Variants in NECTIN1 observed in about 807,000 individuals in gnomAD.
NECTIN1 encodes nectin cell adhesion molecule 1.
A neutral mutation model predicts 48.0 loss-of-function variants in NECTIN1; 23 were observed. The ratio of observed to expected loss-of-function variants is 0.48; its 90% CI spans 0.34 to 0.68. NECTIN1 has a LOEUF of 0.68. Ranked by LOEUF, NECTIN1 falls within the 30% of genes least tolerant of loss-of-function variation. NECTIN1 has a pLI of 0.01. For missense variants in NECTIN1, 591 were observed against 709.9 expected (o/e 0.83, Z 1.90); for synonymous variants, 270 against 288.9 (o/e 0.93, Z 0.66).
Position 119,728,775 on chromosome 11 carries a change from C to A in NECTIN1, c.-222G>T. The stretch of plus-strand genomic sequence containing the variant: ...GCTCAGAGGCTCGGCAGATGCCCGC[C>A]GCAAGTTGCACGAGTCATGCCCCTT... On this transcript the variant is annotated 5_prime_UTR_variant, in exon 1 of 6. Coordinates refer to ENST00000264025, the MANE Select transcript of NECTIN1 (RefSeq NM_002855.5). 2.3e-6 allele frequency: 1 copy of A among 442,270 alleles called. No homozygotes were observed. Among genetic ancestry groups the A allele is most frequent in the Non-Finnish European group, 4.0e-6 (1 of 251,136 alleles). The allele number at this position is 442,270 out of a possible 1,614,324, so 27.4% of individuals were successfully genotyped here. A position where few individuals can be genotyped will look rare whatever the true frequency, so the allele number is the denominator to read the frequency against.
At position 119,729,172 on chromosome 11, in the gene NECTIN1, G is replaced by A; in HGVS notation, c.-619C>T. The A allele has an allele frequency of 6.6e-6, 1 of 152,088 alleles. No individual in the cohort carries two copies. Among genetic ancestry groups the A allele is most frequent in the Non-Finnish European group, 1.5e-5 (1 of 68,036 alleles). The allele number at this position is 152,088 out of a possible 1,614,324, so 9.4% of individuals were successfully genotyped here. ...GGTGCCGGCGATCCGCAACAATGTG[G>A]AGCCGCGCTCGCTGCTCTCGCTCTC... On this transcript the variant is annotated 5_prime_UTR_variant, in exon 1 of 6. Coordinates refer to ENST00000264025, the MANE Select transcript of NECTIN1 (RefSeq NM_002855.5).
chr11:119,651,838 C>T (rs949724685), intron 5 of NECTIN1, among the ~76,000 whole-genome samples: 1 of 152,164 alleles, frequency 6.6e-6, no homozygotes, highest in African/African-American at 2.4e-5. Flanking sequence ...CCTGGCCCTG[C>T]TGCTTTGTCT....
At position 119,663,863 on chromosome 11, in the gene NECTIN1, A is replaced by G; in HGVS notation, c.*884T>C. ...TCAGCTTAAAGGGGGAATGAGGTGG[A>G]AATAGACGGGTGGGCCTTGGGCAGT... On this transcript the variant is annotated 3_prime_UTR_variant, in exon 6 of 6. Coordinates refer to ENST00000264025, the MANE Select transcript of NECTIN1 (RefSeq NM_002855.5). The G allele has an allele frequency of 1.0e-6, 1 of 985,898 alleles. No individual in the cohort carries two copies. The highest frequency in any genetic ancestry group is 1.2e-6 in the Non-Finnish European group (1 of 830,292). The allele number at this position is 985,898 out of a possible 1,614,324, so 61.1% of individuals were successfully genotyped here.
rs1398561581 is a variant in NECTIN1, at chr11:119,672,417, T to C, written c.1003+2742A>G. Among the ~76,000 whole-genome samples, 3 of 152,152 alleles carry C rather than the reference T, an allele frequency of 2.0e-5. No homozygotes were observed. The highest frequency in any genetic ancestry group is 4.4e-5 in the Non-Finnish European group (3 of 68,008). ...TTTTGTGACCACTGGGCCCACCCCA[T>C]GAAACTGCTCCTCTGTGTAAGGGCC... On this transcript the variant is annotated intron_variant, in intron 5 of 5. Coordinates refer to ENST00000264025, the MANE Select transcript of NECTIN1 (RefSeq NM_002855.5). The surrounding 1 kb of genome is among the most constrained non-coding windows in gnomAD (Gnocchi z 4.3).
At chr11:119,710,259 G>A (rs1259252907) in intron 1 of NECTIN1, among the ~76,000 whole-genome samples, 2 of 152,210 alleles carry the variant, frequency 1.3e-5, no homozygotes, top group Non-Finnish European at 2.9e-5. Flanking sequence ...AGGAACACGC[G>A]GGAGCAGTGC....
At position 119,728,619 on chromosome 11, in the gene NECTIN1, C is replaced by T. The variant is rs1409986929; in HGVS notation, c.-66G>A. ...GCTCCTCGCGCAGCAGAAACCAGCCCGGAAGATGAGGGAAGATCGCTGGCG... is the reference window on the plus strand; with the variant it reads ...GCTCCTCGCGCAGCAGAAACCAGCCTGGAAGATGAGGGAAGATCGCTGGCG... On this transcript the variant is annotated 5_prime_UTR_variant, in exon 1 of 6. Coordinates refer to ENST00000264025, the MANE Select transcript of NECTIN1 (RefSeq NM_002855.5). The T allele has an allele frequency of 6.0e-6, 6 of 996,224 alleles. No individual in the cohort carries two copies. The highest frequency in any genetic ancestry group is 8.3e-6 in the Non-Finnish European group (6 of 721,858). 61.7% of individuals were successfully genotyped at this position (996,224 alleles called of 1,614,324 possible).
At position 119,678,069 on chromosome 11, in the gene NECTIN1, C is replaced by T. The variant is rs1432418921; in HGVS notation, c.431-212G>A. ...GTCCTCCCTGCCCTACTAGTCATAT[C>T]CCTGTCATCGAGCTTAGGCCTCCTG... On this transcript the variant is annotated intron_variant, in intron 2 of 5. Transcript: ENST00000264025. This position sits in a 1 kb window ranked among gnomAD's most constrained non-coding sequence, Gnocchi z 4.4. Among the ~76,000 whole-genome samples the T allele has an allele frequency of 6.6e-6, 1 of 152,172 alleles. No individual in the cohort carries two copies. The highest frequency in any genetic ancestry group is 1.5e-5 in the Non-Finnish European group (1 of 68,044).
rs959329187 is a variant in NECTIN1, at chr11:119,721,650, G to A, written c.79+6825C>T. Among the ~76,000 whole-genome samples, 4 of 152,316 alleles carry A rather than the reference G, an allele frequency of 2.6e-5. No individual in the cohort carries two copies. The East Asian group carries it at 7.7e-4, about 29-fold the overall frequency. ...ATAGTCCAGGAGAGGGCCAGCCCCCGTGCCTGTCTGCTGCTCTGTCTAGTC... is the reference window on the plus strand; with the variant it reads ...ATAGTCCAGGAGAGGGCCAGCCCCCATGCCTGTCTGCTGCTCTGTCTAGTC... On this transcript the variant is annotated intron_variant, in intron 1 of 5. Coordinates refer to ENST00000264025, the MANE Select transcript of NECTIN1 (RefSeq NM_002855.5).
At chr11:119,680,595 A>G (rs1865043619) in intron 1 of NECTIN1, among the ~76,000 whole-genome samples, 1 of 152,234 alleles carries the variant, frequency 6.6e-6, no homozygotes. Context: ...GCCACAGGCC[A>G]GGTCTCTAGG....
chr11:119,691,868 C>T (rs932822267), intron 1 of NECTIN1, among the ~76,000 whole-genome samples: 9 of 152,210 alleles, frequency 5.9e-5, no homozygotes, highest in African/African-American at 1.9e-4. Flanking sequence ...CTGTCATCCT[C>T]CCTTCCTCCC....
Position 119,683,683 on chromosome 11 carries a change from C to T in NECTIN1, c.80-4918G>A, listed in dbSNP as rs1016543814. Among the ~76,000 whole-genome samples, 1 of 151,636 alleles carries T rather than the reference C, an allele frequency of 6.6e-6. No individual in the cohort carries two copies. The highest frequency in any genetic ancestry group is 1.5e-5 in the Non-Finnish European group (1 of 67,960). ...GTGGGGAGTGAAGGGCAGAGGCATC[C>T]ATAGAACCTGTGCCCTCAGCAGAGG... On this transcript the variant is annotated intron_variant, in intron 1 of 5. Transcript: ENST00000264025. The surrounding 1 kb of genome is among the most constrained non-coding windows in gnomAD (Gnocchi z 4.0).
At chr11:119,640,654 C>G (rs926021316) in intron 5 of NECTIN1, 2 of 153,950 alleles carry the variant, frequency 1.3e-5, no homozygotes, top group African/African-American at 4.8e-5. Context: ...AGGTATTTCA[C>G]AGTCTGAGCT....
At chr11:119,667,925 C>G (rs1419084872) in intron 5 of NECTIN1, among the ~76,000 whole-genome samples, 2 of 152,104 alleles carry the variant, frequency 1.3e-5, no homozygotes, top group Non-Finnish European at 2.9e-5. Context: ...AAAGGGTCAG[C>G]AAAAATAGGG....
chr11:119,658,117 C>A (rs947041246), downstream of NECTIN1, among the ~76,000 whole-genome samples: 8 of 152,070 alleles, frequency 5.3e-5, no homozygotes, highest in East Asian at 1.3e-3. Context: ...TCAAGCCGAG[C>A]GGCCAGCCAT....
At chr11:119,639,999 G>A (rs1051865284) in exon 6 of NECTIN1, 14 of 1,612,706 alleles carry the variant, frequency 8.7e-6, no homozygotes, top group Non-Finnish European at 1.1e-5. Context: ...GACCCCTCTG[G>A]GGGCGGGGCT....
chr11:119,665,410 C>A lies in NECTIN1; in HGVS notation c.1004-113G>T. On this transcript the variant is annotated intron_variant, in intron 5 of 5. Transcript: ENST00000264025. The surrounding 1 kb of genome is among the most constrained non-coding windows in gnomAD (Gnocchi z 5.1). ...GCCAGGAAGGACAGGCTGTCTGCAC[C>A]CCAGGTTTGAGCAGCTCCAGTTCGA... The A allele has an allele frequency of 6.9e-7, 1 of 1,453,974 alleles. No homozygotes were observed. The highest frequency in any genetic ancestry group is 1.4e-5 in the South Asian group (1 of 70,256). 90.1% of individuals were successfully genotyped at this position (1,453,974 alleles called of 1,614,324 possible).
rs1565407042 is a variant in NECTIN1, at chr11:119,727,228, GACTGTTCC to G, written c.79+1239_79+1246del. ...CCCTAGCCCCGGAACTAGGCAGCCA[GACTGTTCC>G]CTCGATAACAAACTGCCTGGCCATT... is the stretch of plus-strand genomic sequence containing the variant. On this transcript the variant is annotated intron_variant, in intron 1 of 5. Transcript: ENST00000264025. The surrounding 1 kb of genome is among the most constrained non-coding windows in gnomAD (Gnocchi z 4.1). Among the ~76,000 whole-genome samples, 1 of 152,216 alleles carries G rather than the reference GACTGTTCC, an allele frequency of 6.6e-6. No individual in the cohort carries two copies. Among genetic ancestry groups the G allele is most frequent in the African/African-American group, 2.4e-5 (1 of 41,456 alleles).
intron 1 of NECTIN1, among the ~76,000 whole-genome samples, chr11:119,692,174 C>T (rs1323887736): frequency 3.3e-5 from 5 of 152,248 alleles, no homozygotes; most frequent in Non-Finnish European, 2.9e-5. Flanking sequence ...GCCCCGCTTC[C>T]AGCTCAGACT....
At position 119,664,780 on chromosome 11, in the gene NECTIN1, C is replaced by T. The variant is rs745693787; in HGVS notation, c.1521G>A (p.Gly507=). The change falls in exon 6 of 6, where the codon GGG becomes GGA. Residue 507 remains glycine (G), a synonymous_variant. Transcript: ENST00000264025. Reference sequence around the variant, plus strand: ...ACCACTCCTTCTTGGAAATGAAAGACCCGTCGTTCTGAGAAACCATGTTCT... The same window carrying T: ...ACCACTCCTTCTTGGAAATGAAAGATCCGTCGTTCTGAGAAACCATGTTCT... ...LAENMVSQND[G]SFISKKEWYV 1.2e-6 allele frequency: 2 copies of T among 1,612,714 alleles called. No homozygotes were observed. Among genetic ancestry groups the T allele is most frequent in the Non-Finnish European group, 1.7e-6 (2 of 1,179,300 alleles).
Sources: gnomAD v4.1 joint callset for allele counts (sites outside exome capture counted in the v4.1 genomes callset) on GRCh38, gnomAD v4.1.1 for gene constraint, Gnocchi (gnomAD v3.1) non-coding constraint, MANE v1.5 for transcripts, NCBI Gene and HGNC (gene_info 2026-07-23, HGNC 2026-07-21) for gene names.